The following ADAMTS16 variants were observed in gnomAD, a reference collection of about 807,000 sequenced individuals.
ADAMTS16 encodes the protein ADAM metallopeptidase with thrombospondin type 1 motif 16.
ADAMTS16 carries 94 observed loss-of-function variants against 145.8 expected under a neutral mutation model. The observed-to-expected ratio is 0.64, with a 90% CI of 0.55 to 0.77. ADAMTS16 has a LOEUF of 0.77. ADAMTS16 is among the 30% of genes least tolerant of loss of function. The pLI, the probability that ADAMTS16 is intolerant of heterozygous loss-of-function variation, is 0.00. For missense variants in ADAMTS16, 1,585 were observed against 1,591.5 expected, an observed-to-expected ratio of 1.00 and a Z score of 0.07; for synonymous variants, 659 against 604.3, an observed-to-expected ratio of 1.09 and a Z score of -1.33.
In ADAMTS16 at chr5:5,212,198, TGTTTTGTTTTG is replaced by T. The variant is rs1266088470; in HGVS notation, c.1605+2953_1605+2963del. On this transcript the variant is annotated intron_variant, in intron 10 of 22. Transcript: ENST00000274181. Reference sequence around the variant, plus strand: ...TACTATTAGTTTCTGGGGTTTTTTTTGTTTTGTTTTGTTTTGTTTTTTTTTTTGAGATGGAG... The same window carrying T: ...TACTATTAGTTTCTGGGGTTTTTTTTTTTTGTTTTTTTTTTTGAGATGGAG... 2.0e-3 allele frequency among the ~76,000 whole-genome samples: 275 copies of T among 138,024 alleles called. 16 individuals are homozygous for T. Among genetic ancestry groups the T allele is most frequent in the East Asian group, 5.0e-3 (21 of 4,228 alleles). 90.5% of individuals were successfully genotyped at this position (138,024 alleles called of 152,430 possible).
Position 5,318,141 on chromosome 5 carries a change from C to T in ADAMTS16, c.3419C>T (p.Ala1140Val). 3.4e-6 allele frequency: 5 copies of T among 1,470,476 alleles called. No individual in the cohort carries two copies. The highest frequency in any genetic ancestry group is 4.5e-6 in the Non-Finnish European group (5 of 1,103,900). The allele number at this position is 1,470,476 out of a possible 1,614,324, so 91.1% of individuals were successfully genotyped here. The change falls in exon 22 of 23, where the codon GCC becomes GTC. Residue 1140 changes from alanine to valine, a missense_variant. Physicochemically the swap from Ala to Val is moderately conservative, Grantham distance 64. Coordinates refer to ENST00000274181, the MANE Select transcript of ADAMTS16 (RefSeq NM_139056.4). ...TGTGTGTTGCTCTCACAGTGCACGGCCAGCTGTGGGGGAGGCGTTCAGACG... is the reference window on the plus strand; with the variant it reads ...TGTGTGTTGCTCTCACAGTGCACGGTCAGCTGTGGGGGAGGCGTTCAGACG... ...WFASPWSQCT[A>V]SCGGGVQTRS...
chr5:5,240,961 G>C (rs1175352821), intron 16 of ADAMTS16, among the ~76,000 whole-genome samples: 2 of 152,078 alleles, frequency 1.3e-5, no homozygotes, highest in African/African-American at 4.8e-5. Context: ...AAATAAGTGG[G>C]GCTTGTTAGG....
Position 5,140,534 on chromosome 5 carries a change from G to C in ADAMTS16, c.67G>C (p.Glu23Gln), listed in dbSNP as rs953320671. The change falls in exon 1 of 23, where the codon GAG (glutamate) becomes CAG (glutamine). Residue 23 changes from glutamate (E) to glutamine (Q), a missense_variant. This residue lies in a region of ADAMTS16 where 453 missense variants were observed against 412.1 expected (regional missense o/e 1.10). Transcript: ENST00000274181. ...ALWMLLAQVA[E>Q]QAPACAMGPA... ...GTGGATGCTGTTGGCGCAGGTGGCC[G>C]AGCAGGTGAGTCCCGGGCGCTCCCA... is the stretch of plus-strand genomic sequence containing the variant. 4.0e-6 allele frequency: 6 copies of C among 1,512,668 alleles called. No homozygotes were observed. In the African/African-American group the frequency reaches 8.6e-5, roughly 22 times the overall value. 93.7% of individuals were successfully genotyped at this position (1,512,668 alleles called of 1,614,324 possible). A position where few individuals can be genotyped will look rare whatever the true frequency, so the allele number is the denominator to read the frequency against.
intron 13 of ADAMTS16, among the ~76,000 whole-genome samples, chr5:5,236,305 T>C (rs1737105586): frequency 6.6e-6 from 1 of 151,858 alleles, no homozygotes; most frequent in African/African-American, 2.4e-5. Context: ...CCTCCCCTTT[T>C]TTTTTTACCA....
chr5:5,279,920 TTC>T (rs201573931), intron 18 of ADAMTS16, among the ~76,000 whole-genome samples: 75,002 of 145,054 alleles, frequency 0.52, 20,686 homozygotes, highest in East Asian at 0.79. Flanking sequence ...CTTTCTTTAT[TTC>T]TCTTTTTCTT....
chr5:5,191,657 G>A lies in ADAMTS16; in HGVS notation c.1208-28G>A, dbSNP rs776422873. The A allele has an allele frequency of 8.4e-6, 13 of 1,553,284 alleles. No individual in the cohort carries two copies. In the East Asian group the frequency reaches 1.3e-4, roughly 16 times the overall value. ...CTTTATTTTATTACAACACCGCTAT[G>A]TGTTCTTTTGATCTTTGTCCTTCAC... is the stretch of plus-strand genomic sequence containing the variant. On this transcript the variant is annotated intron_variant, in intron 7 of 22. Coordinates refer to ENST00000274181, the MANE Select transcript of ADAMTS16 (RefSeq NM_139056.4).
intron 14 of ADAMTS16, among the ~76,000 whole-genome samples, chr5:5,238,043 T>G (rs1737164247): frequency 6.6e-6 from 1 of 152,198 alleles, no homozygotes; most frequent in South Asian, 2.1e-4. Flanking sequence ...ATGGTAAAGT[T>G]GAATCATCCA....
intron 10 of ADAMTS16, among the ~76,000 whole-genome samples, chr5:5,213,055 A>C (rs1736321008): frequency 6.6e-6 from 1 of 152,246 alleles, no homozygotes; most frequent in African/African-American, 2.4e-5. Flanking sequence ...AGGTCCTTAC[A>C]ACAAATAAAT....
chr5:5,171,130 A>T (rs982654253), intron 3 of ADAMTS16, among the ~76,000 whole-genome samples: 3 of 152,186 alleles, frequency 2.0e-5, no homozygotes, highest in African/African-American at 7.2e-5. Context: ...ATGTCCTGCA[A>T]CTTTACTGAA....
intron 9 of ADAMTS16, among the ~76,000 whole-genome samples, chr5:5,206,025 C>A (rs1199199396): frequency 6.6e-6 from 1 of 152,114 alleles, no homozygotes; most frequent in Admixed American, 6.5e-5. Flanking sequence ...ATTGTCATAT[C>A]CAAGGTCACC....
rs144859425 is a variant in ADAMTS16, at chr5:5,258,443, C to T, written c.2663-4214C>T. Among the ~76,000 whole-genome samples the T allele has an allele frequency of 1.1e-4, 16 of 152,376 alleles. No individual in the cohort carries two copies. The South Asian group carries it at 1.7e-3, about 16-fold the overall frequency. On this transcript the variant is annotated intron_variant, in intron 17 of 22. Transcript: ENST00000274181. Reference sequence around the variant, plus strand: ...AAATGCAAATTCTAAGACCCAGCCACGGACCTGCTGCAGCTGAAATCCAGA... The same window carrying T: ...AAATGCAAATTCTAAGACCCAGCCATGGACCTGCTGCAGCTGAAATCCAGA...
rs1272291457 is a variant in ADAMTS16, at chr5:5,146,336, T to C, written c.382T>C (p.Leu128=). 3.7e-6 allele frequency: 6 copies of C among 1,614,046 alleles called. No homozygotes were observed. Among genetic ancestry groups the C allele is most frequent in the South Asian group, 2.2e-5 (2 of 91,086 alleles). The change falls in exon 3 of 23, where the codon TTG becomes CTG. Residue 128 remains leucine, a synonymous_variant. Coordinates refer to ENST00000274181, the MANE Select transcript of ADAMTS16 (RefSeq NM_139056.4). ...LVAPGFIVQT[L]GKTGTKSVQT... is the part of the protein sequence containing the mutation. ...GGCTCCTGGCTTTATTGTGCAGACG[T>C]TGGGAAAGACAGGCACTAAGTCTGT...
At chr5:5,236,765 A>T (rs1051484954) in intron 13 of ADAMTS16, among the ~76,000 whole-genome samples, 1 of 148,490 alleles carries the variant, frequency 6.7e-6, no homozygotes, top group Admixed American at 6.8e-5. Flanking sequence ...CTGTAGAGTA[A>T]AATTTAACAT....
In ADAMTS16 at chr5:5,235,156, T is replaced by C. The variant is rs1315587958; in HGVS notation, c.1993T>C (p.Tyr665His). 12 of 1,584,504 alleles carry C rather than the reference T, an allele frequency of 7.6e-6. No individual in the cohort carries two copies. The highest frequency in any genetic ancestry group is 9.5e-6 in the Non-Finnish European group (11 of 1,156,574). ...CAGCAGACGATTCAGAGGGCGGCAC[T>C]ACAAGTGGAAGCCTTACACTCAAGT... ...HNSRRFRGRHYKWKPYTQVED... is the reference protein window; with the variant it reads ...HNSRRFRGRHHKWKPYTQVED... The change falls in exon 13 of 23, where the codon TAC (tyrosine) becomes CAC (histidine). Residue 665 changes from tyrosine (Y) to histidine (H), a missense_variant. Physicochemically the swap from Tyr to His is moderately conservative, Grantham distance 83. Transcript: ENST00000274181.
chr5:5,195,083 G>A (rs1735765595), intron 8 of ADAMTS16, among the ~76,000 whole-genome samples: 1 of 152,178 alleles, frequency 6.6e-6, no homozygotes, highest in African/African-American at 2.4e-5. Flanking sequence ...TGTAGTTTAT[G>A]CTAGGGAATG....
Position 5,318,043 on chromosome 5 carries a change from C to T in ADAMTS16, c.3412-91C>T, listed in dbSNP as rs4596346. The T allele has an allele frequency of 3.1e-4, 392 of 1,260,592 alleles. 7 individuals carry two copies. In the South Asian group the frequency reaches 8.1e-3, roughly 26 times the overall value. The allele number at this position is 1,260,592 out of a possible 1,614,324, so 78.1% of individuals were successfully genotyped here. A position where few individuals can be genotyped will look rare whatever the true frequency, so the allele number is the denominator to read the frequency against. ...TCGCTCTTCCCTCACTGGCCTGCAG[C>T]AGCAGGCCTTTTAGAAAGGTGGGCA... On this transcript the variant is annotated intron_variant, in intron 21 of 22. Coordinates refer to ENST00000274181, the MANE Select transcript of ADAMTS16 (RefSeq NM_139056.4).
At chr5:5,167,579 G>A (rs1734916179) in intron 3 of ADAMTS16, among the ~76,000 whole-genome samples, 1 of 152,160 alleles carries the variant, frequency 6.6e-6, no homozygotes, top group Admixed American at 6.5e-5. Flanking sequence ...ATTTTAGCTG[G>A]GACAGTTTTA....
At chr5:5,240,317 T>C (rs1306811017) in intron 16 of ADAMTS16, among the ~76,000 whole-genome samples, 1 of 151,988 alleles carries the variant, frequency 6.6e-6, no homozygotes, top group African/African-American at 2.4e-5. Flanking sequence ...AGCCCAGAGG[T>C]GAAGCCCCTT....
intron 10 of ADAMTS16, among the ~76,000 whole-genome samples, chr5:5,212,884 T>G (rs1736316755): frequency 6.6e-6 from 1 of 152,226 alleles, no homozygotes; most frequent in African/African-American, 2.4e-5. Context: ...CTGCCTTCTT[T>G]TAGATTAAAC....
Sources: allele counts gnomAD v4.1 joint callset (sites outside exome capture counted in the v4.1 genomes callset), GRCh38; gene constraint gnomAD v4.1.1; regional missense constraint gnomAD v4.1.1; transcripts MANE v1.5; gene names NCBI Gene and HGNC (gene_info 2026-07-23, HGNC 2026-07-21).